The following TBC1D32 variants were observed in gnomAD, a reference collection of about 807,000 sequenced individuals.
TBC1D32 encodes protein broad-minded.
Under a neutral mutation model 170.3 loss-of-function variants are expected in TBC1D32, and 151 were observed. The ratio of observed to expected loss-of-function variants is 0.89; its 90% CI spans 0.78 to 1.01. The LOEUF (loss-of-function observed/expected upper bound fraction) is 1.01. Among genes scored for constraint, TBC1D32 ranks in the 50% least tolerant of loss-of-function variants. The pLI is 0.00. For missense variants in TBC1D32, 1,464 were observed against 1,457.1 expected (o/e 1.00, Z -0.08); for synonymous variants, 498 against 488.0 (o/e 1.02, Z -0.27).
chr6:121,247,862 G>A (rs1416883097), intron 17 of TBC1D32, among the ~76,000 whole-genome samples: 1 of 151,652 alleles, frequency 6.6e-6, no homozygotes, highest in African/African-American at 2.4e-5. Flanking sequence ...CAACAACACA[G>A]GAATATTGGG....
Position 121,103,702 on chromosome 6 carries a change from G to C in TBC1D32, c.3465+2321C>G, listed in dbSNP as rs188003228. 6.9e-3 allele frequency among the ~76,000 whole-genome samples: 1,053 copies of C among 152,062 alleles called. 12 individuals carry two copies. Among genetic ancestry groups the C allele is most frequent in the Middle Eastern group, 0.048 (14 of 294 alleles). ...TACATATATAACAAACCTGCACGTT[G>C]TGCACATGTACCCTAGAACTTAAAG... On this transcript the variant is annotated intron_variant, in intron 30 of 31. Transcript: ENST00000398212.
intron 30 of TBC1D32, chr6:121,095,844 T>A (rs546848623): frequency 2.6e-5 from 4 of 152,194 alleles, no homozygotes; most frequent in African/African-American, 9.6e-5. Context: ...AGTATTTTAT[T>A]GAGGATTTTT....
intron 22 of TBC1D32, among the ~76,000 whole-genome samples, chr6:121,174,174 C>T (rs1255083506): frequency 6.6e-6 from 1 of 151,506 alleles, no homozygotes; most frequent in Non-Finnish European, 1.5e-5. Context: ...AGTATAATTG[C>T]AAACAGTAAA....
intron 22 of TBC1D32, among the ~76,000 whole-genome samples, chr6:121,169,598 T>C (rs771218355): frequency 4.6e-5 from 7 of 152,166 alleles, no homozygotes; most frequent in Non-Finnish European, 7.4e-5. Flanking sequence ...TCAACAATCA[T>C]AGTTTCAGTC....
intron 15 of TBC1D32, among the ~76,000 whole-genome samples, chr6:121,263,955 G>C (rs912592477): frequency 6.6e-6 from 1 of 152,054 alleles, no homozygotes; most frequent in African/African-American, 2.4e-5. Context: ...GAGGGAAATT[G>C]ATAGCACTAA....
chr6:121,283,229 C>G (rs1321613135), intron 13 of TBC1D32, among the ~76,000 whole-genome samples: 3 of 151,752 alleles, frequency 2.0e-5, no homozygotes, highest in Non-Finnish European at 3.0e-5. Context: ...TGTCTATGCA[C>G]ACTGGTGTGT....
At chr6:121,252,416 G>T (rs545062888) in intron 17 of TBC1D32, among the ~76,000 whole-genome samples, 1 of 152,100 alleles carries the variant, frequency 6.6e-6, no homozygotes, top group Non-Finnish European at 1.5e-5. Context: ...CATGTCCTTC[G>T]CAGGGAGATG....
At chr6:121,111,661 A>G (rs1008201861) in intron 29 of TBC1D32, among the ~76,000 whole-genome samples, 6 of 152,204 alleles carry the variant, frequency 3.9e-5, no homozygotes, top group African/African-American at 1.4e-4. Context: ...AAGTAACTGT[A>G]TATAGCTACT....
chr6:121,091,661 A>G (rs1171408087), intron 30 of TBC1D32, among the ~76,000 whole-genome samples: 1 of 152,206 alleles, frequency 6.6e-6, no homozygotes, highest in African/African-American at 2.4e-5. Context: ...TGTGGAAAAC[A>G]GGAAAGTTTC....
chr6:121,299,358 A>T, intron 10 of TBC1D32, 88 bp downstream of exon 10: 1 of 1,351,234 alleles, frequency 7.4e-7, no homozygotes, highest in Non-Finnish European at 9.9e-7. Context: ...ATTAATTATC[A>T]CCACACAACT....
At chr6:121,193,888 G>A (rs933834823) in intron 22 of TBC1D32, among the ~76,000 whole-genome samples, 2 of 152,182 alleles carry the variant, frequency 1.3e-5, no homozygotes, top group African/African-American at 2.4e-5. Flanking sequence ...CTTAAGTGAA[G>A]GAGAGACTGG....
At chr6:121,114,311 T>C (rs554073315) in intron 27 of TBC1D32, among the ~76,000 whole-genome samples, 1 of 152,334 alleles carries the variant, frequency 6.6e-6, no homozygotes, top group Admixed American at 6.5e-5. Context: ...TATACTGTAA[T>C]ATATTCAAAC....
intron 21 of TBC1D32, among the ~76,000 whole-genome samples, chr6:121,219,819 T>G (rs1038574681): frequency 2.6e-5 from 4 of 152,282 alleles, no homozygotes; most frequent in African/African-American, 9.6e-5. Flanking sequence ...ATGTGTTCAC[T>G]TTGTGTCTCT....
chr6:121,086,516 G>A (rs1372699053), intron 31 of TBC1D32, among the ~76,000 whole-genome samples: 2 of 152,044 alleles, frequency 1.3e-5, no homozygotes, highest in Non-Finnish European at 2.9e-5. Context: ...TCTGGTAATA[G>A]CAGCTGCAAT....
chr6:121,131,849 G>A, intron 24 of TBC1D32, 97 bp from the exon 25 acceptor site: 5 of 858,196 alleles, frequency 5.8e-6, no homozygotes, highest in Non-Finnish European at 8.5e-6. Flanking sequence ...ATTCCATATG[G>A]AATACATATG....
chr6:121,082,976 A>G (rs1775793005), intron 31 of TBC1D32, among the ~76,000 whole-genome samples: 1 of 151,998 alleles, frequency 6.6e-6, no homozygotes, highest in Non-Finnish European at 1.5e-5. Context: ...CTCTGAATAA[A>G]ATTCCAAAAT....
In TBC1D32 at chr6:121,334,268, A is replaced by C. The variant is rs1449742792; in HGVS notation, c.155+8T>G. The C allele has an allele frequency of 6.2e-7, 1 of 1,613,520 alleles. No individual in the cohort carries two copies. The highest frequency in any genetic ancestry group is 8.5e-7 in the Non-Finnish European group (1 of 1,179,542). ...TTTATAGGCTTAAAACATCAAAAGC[A>C]ATTTTACTTGTGAAAATTTTCATCA... On this transcript the variant is annotated splice_region_variant and intron_variant, in intron 1 of 31. Coordinates refer to ENST00000398212, the MANE Select transcript of TBC1D32 (RefSeq NM_152730.6).
chr6:121,317,339 T>C (rs1220222714), intron 3 of TBC1D32, among the ~76,000 whole-genome samples, 156 bp downstream of exon 3: 2 of 152,146 alleles, frequency 1.3e-5, no homozygotes, highest in Non-Finnish European at 2.9e-5. Flanking sequence ...AAGATGTTAT[T>C]TCATGGACTA....
intron 27 of TBC1D32, among the ~76,000 whole-genome samples, chr6:121,113,379 A>G (rs1012994112): frequency 6.6e-6 from 1 of 152,236 alleles, no homozygotes; most frequent in African/African-American, 2.4e-5. Context: ...ATGAAACAGT[A>G]ATGAGAGAAC....
Sources: allele counts gnomAD v4.1 joint callset (sites outside exome capture counted in the v4.1 genomes callset), GRCh38; gene constraint gnomAD v4.1.1; transcripts MANE v1.5; gene names NCBI Gene and HGNC (gene_info 2026-07-23, HGNC 2026-07-21).